Variants in BAG4 observed in about 807,000 individuals in gnomAD.
BAG4 encodes BAG cochaperone 4.
Under a neutral mutation model 52.1 loss-of-function variants are expected in BAG4, and 28 were observed. That is an observed-to-expected ratio of 0.54 (90% confidence interval 0.40 to 0.74). The LOEUF (loss-of-function observed/expected upper bound fraction) is 0.74, where lower values mean the gene tolerates loss of function less well. Ranked by LOEUF, BAG4 falls within the 30% of genes least tolerant of loss-of-function variation. The probability of loss-of-function intolerance (pLI) is 0.00; values close to 1 mark genes in which losing one functional copy is unlikely to be tolerated. For missense variants in BAG4, 525 were observed against 572.0 expected (o/e 0.92, Z 0.84); for synonymous variants, 208 against 217.0 (o/e 0.96, Z 0.37).
At chr8:38,195,921 C>T (rs1803553200) in intron 2 of BAG4, among the ~76,000 whole-genome samples, 1 of 152,206 alleles carries the variant, frequency 6.6e-6, no homozygotes, top group Non-Finnish European at 1.5e-5. Context: ...ACTCCCTCCC[C>T]TCAGCTCTTG....
intron 3 of BAG4, 38 bp downstream of exon 3, chr8:38,207,804 G>A (rs200052603): frequency 5.0e-6 from 8 of 1,609,118 alleles, no homozygotes; most frequent in East Asian, 2.2e-5. Context: ...TGAATTCAAA[G>A]TCTCTGCCTC....
chr8:38,197,678 T>G (rs1378670487), intron 2 of BAG4, among the ~76,000 whole-genome samples: 1 of 152,208 alleles, frequency 6.6e-6, no homozygotes, highest in Non-Finnish European at 1.5e-5. Context: ...CTGTAACTTT[T>G]TTACTTTATA....
At position 38,211,766 on chromosome 8, in the gene BAG4, C is replaced by T. The variant is rs537229765; in HGVS notation, c.*1273C>T. 1.3e-5 allele frequency: 2 copies of T among 151,956 alleles called. No homozygotes were observed. The highest frequency in any genetic ancestry group is 4.2e-4 in the South Asian group (2 of 4,812). 9.4% of individuals were successfully genotyped at this position (151,956 alleles called of 1,614,324 possible). ...ACCATTATTAACAGTCATTTTAGAG[C>T]CAAATTTAAGAAAAGGATATTGAAA... On this transcript the variant is annotated 3_prime_UTR_variant, in exon 5 of 5. Coordinates refer to ENST00000287322, the MANE Select transcript of BAG4 (RefSeq NM_004874.4).
rs539787128 is a variant in BAG4 at position 38,192,546 on chromosome 8, A to G, written c.271-142A>G. ...CCTCAGCCTCCGCAGTAGTGGGACA[A>G]GAAGCGTGTGCCACTGTGCCCAGCT... On this transcript the variant is annotated intron_variant, in intron 1 of 4. Coordinates refer to ENST00000287322, the MANE Select transcript of BAG4 (RefSeq NM_004874.4). 85 of 595,512 alleles carry G rather than the reference A, an allele frequency of 1.4e-4. No individual in the cohort carries two copies. The East Asian group carries it at 2.3e-3, about 16-fold the overall frequency. 36.9% of individuals were successfully genotyped at this position (595,512 alleles called of 1,614,324 possible).
intron 2 of BAG4, among the ~76,000 whole-genome samples, chr8:38,202,582 T>C (rs1803698997): frequency 1.3e-5 from 2 of 149,690 alleles, no homozygotes; most frequent in Non-Finnish European, 3.0e-5. Flanking sequence ...TTTCTGTTTC[T>C]CAGGCTGGAG....
At chr8:38,183,757 A>G (rs1042044370) in intron 1 of BAG4, among the ~76,000 whole-genome samples, 1 of 151,506 alleles carries the variant, frequency 6.6e-6, no homozygotes, top group Non-Finnish European at 1.5e-5. Context: ...TCCTGGGCTC[A>G]AGCTATCCTC....
At chr8:38,199,850 T>A (rs1803630743) in intron 2 of BAG4, among the ~76,000 whole-genome samples, 1 of 151,926 alleles carries the variant, frequency 6.6e-6, no homozygotes, top group Non-Finnish European at 1.5e-5. Context: ...TTTTTTATAG[T>A]TTTAGCTCTC....
intron 1 of BAG4, among the ~76,000 whole-genome samples, chr8:38,177,785 A>C (rs1803190359): frequency 6.6e-6 from 1 of 151,988 alleles, no homozygotes. Context: ...TGCCTAATAC[A>C]CTTGGACCTG....
chr8:38,208,269 C>T lies in BAG4; in HGVS notation c.633+503C>T, dbSNP rs367997416. On this transcript the variant is annotated intron_variant, in intron 3 of 4. Coordinates refer to ENST00000287322, the MANE Select transcript of BAG4 (RefSeq NM_004874.4). ...GGATTACAGGCATGAGCCACCGTGC[C>T]AGGCAAATCTTAGCCTTTTTTAGCA... Among the ~76,000 whole-genome samples the T allele has an allele frequency of 3.4e-5, 5 of 148,984 alleles. No homozygotes were observed. The East Asian group carries it at 7.9e-4, about 24-fold the overall frequency.
intron 2 of BAG4, among the ~76,000 whole-genome samples, chr8:38,194,963 TGC>T (rs1803540775): frequency 6.7e-6 from 1 of 148,946 alleles, no homozygotes; most frequent in Non-Finnish European, 1.5e-5. Context: ...CACGCCATTC[TGC>T]TGCCTCAGCC....
At chr8:38,194,774 A>G (rs1803534803) in intron 2 of BAG4, among the ~76,000 whole-genome samples, 2 of 151,322 alleles carry the variant, frequency 1.3e-5, no homozygotes, top group African/African-American at 4.9e-5. Flanking sequence ...GTACTAACAA[A>G]GGAGTAATTG....
At position 38,207,600 on chromosome 8, in the gene BAG4, A is replaced by AT; in HGVS notation, c.468dup (p.Ala157CysfsTer40). Reference sequence around the variant, plus strand: ...ACTGCCTCATACTCAGGGGCTTATTATGCACCTGGTTATACTCAGACCAGT... The same window carrying AT: ...ACTGCCTCATACTCAGGGGCTTATTATTGCACCTGGTTATACTCAGACCAGT... On this transcript the variant is annotated frameshift_variant, in exon 3 of 5. Coordinates refer to ENST00000287322, the MANE Select transcript of BAG4 (RefSeq NM_004874.4). LOFTEE classifies it high-confidence loss of function. 1 of 1,614,038 alleles carries AT rather than the reference A, an allele frequency of 6.2e-7. No individual in the cohort carries two copies. The highest frequency in any genetic ancestry group is 8.5e-7 in the Non-Finnish European group (1 of 1,179,990).
At chr8:38,181,872 T>A (rs867603684) in intron 1 of BAG4, among the ~76,000 whole-genome samples, 9 of 109,470 alleles carry the variant, frequency 8.2e-5, no homozygotes, top group Non-Finnish European at 1.2e-4. Context: ...CTGGGCTGCC[T>A]AGCGAGACTA....
intron 1 of BAG4, among the ~76,000 whole-genome samples, chr8:38,183,731 CAGGG>C (rs1803314397): frequency 6.6e-6 from 1 of 151,762 alleles, no homozygotes; most frequent in South Asian, 2.1e-4. Flanking sequence ...CTGTATTCCC[CAGGG>C]AGGTCTCAAA....
chr8:38,188,790 A>G (rs946297148), intron 1 of BAG4, among the ~76,000 whole-genome samples: 1 of 151,390 alleles, frequency 6.6e-6, no homozygotes, highest in African/African-American at 2.4e-5. Context: ...TTTACTTTTT[A>G]TTTATTTATT....
intron 1 of BAG4, among the ~76,000 whole-genome samples, chr8:38,188,589 A>G (rs1563280583): frequency 6.7e-6 from 1 of 148,160 alleles, no homozygotes; most frequent in Admixed American, 6.8e-5. Context: ...GTGTATACAC[A>G]TATATATATG....
rs1585663953 is a variant in BAG4, at chr8:38,201,890, T to A, written c.379-5622T>A. 7.0e-5 allele frequency: 5 copies of A among 71,038 alleles called. No individual in the cohort carries two copies. The South Asian group carries it at 2.1e-3, about 30-fold the overall frequency. The allele number at this position is 71,038 out of a possible 1,614,324, so 4.4% of individuals were successfully genotyped here. ...TATATATATATATATATTTTTTTTT[T>A]TTTTTTTTTTTTTTTTTTTAAGAAG... On this transcript the variant is annotated intron_variant, in intron 2 of 4. Coordinates refer to ENST00000287322, the MANE Select transcript of BAG4 (RefSeq NM_004874.4).
At chr8:38,188,880 G>A (rs554661437) in intron 1 of BAG4, among the ~76,000 whole-genome samples, 5 of 150,930 alleles carry the variant, frequency 3.3e-5, no homozygotes, top group Admixed American at 2.0e-4. Context: ...TGCAACCTCC[G>A]CCTCCCAGGT....
In BAG4 at chr8:38,207,542, G is replaced by A. The variant is rs745666389; in HGVS notation, c.409G>A (p.Gly137Ser). Residue 137 changes from glycine (G) to serine (S), a missense_variant, in exon 3 of 5, where the codon GGT (glycine) becomes AGT (serine). Gly to Ser is a moderately conservative substitution (Grantham distance 56). Transcript: ENST00000287322. ...SLNSYTNGAY[G>S]PTYPPGPGAN... Reference sequence around the variant, plus strand: ...GAATTCTTATACAAATGGAGCGTATGGTCCAACATACCCCCCAGGCCCTGG... The same window carrying A: ...GAATTCTTATACAAATGGAGCGTATAGTCCAACATACCCCCCAGGCCCTGG... 3.7e-6 allele frequency: 6 copies of A among 1,613,312 alleles called. No homozygotes were observed. The Admixed American group carries it at 8.3e-5, about 22-fold the overall frequency.
Sources: gnomAD v4.1 joint callset for allele counts (sites outside exome capture counted in the v4.1 genomes callset) on GRCh38, gnomAD v4.1.1 for gene constraint, MANE v1.5 for transcripts, NCBI Gene and HGNC (gene_info 2026-07-23, HGNC 2026-07-21) for gene names.